PLD5: variants seen among roughly 807,000 people sequenced by gnomAD.
PLD5 encodes the protein phospholipase D family member 5, also known as inactive phospholipase D5.
In PLD5, 36 loss-of-function variants were observed where a neutral mutation model predicts 61.1. The observed-to-expected ratio is 0.59, with a 90% CI of 0.45 to 0.78. PLD5 has a LOEUF of 0.78. PLD5 is among the 30% of genes least tolerant of loss of function. The probability of loss-of-function intolerance (pLI) is 0.00; values close to 1 mark genes in which losing one functional copy is unlikely to be tolerated. For missense variants in PLD5, 515 were observed against 644.4 expected (o/e 0.80, Z 2.17); for synonymous variants, 243 against 242.8 (o/e 1.00, Z -0.01).
chr1:242,139,338 C>T (rs1205376966), intron 5 of PLD5, among the ~76,000 whole-genome samples: 1 of 151,956 alleles, frequency 6.6e-6, no homozygotes, highest in Non-Finnish European at 1.5e-5. Flanking sequence ...TATATTGTTC[C>T]AATTCAGAAA....
intron 1 of PLD5, among the ~76,000 whole-genome samples, chr1:242,442,537 G>T (rs1253945672): frequency 6.6e-6 from 1 of 152,208 alleles, no homozygotes; most frequent in Non-Finnish European, 1.5e-5. Flanking sequence ...AGGATCATGA[G>T]ACGCCACATG....
chr1:242,239,360 T>C (rs1354662634), intron 4 of PLD5, among the ~76,000 whole-genome samples: 2 of 152,182 alleles, frequency 1.3e-5, no homozygotes, highest in South Asian at 2.1e-4. Flanking sequence ...TTATGTTGTA[T>C]TGACTTGTAC....
At chr1:242,503,628 C>A (rs1443556807) in intron 1 of PLD5, among the ~76,000 whole-genome samples, 1 of 152,182 alleles carries the variant, frequency 6.6e-6, no homozygotes, top group Non-Finnish European at 1.5e-5. Flanking sequence ...AATGGGAAGT[C>A]TTCCGTTTCC....
chr1:242,242,723 T>C (rs1460620208), intron 4 of PLD5, among the ~76,000 whole-genome samples: 1 of 152,208 alleles, frequency 6.6e-6, no homozygotes, highest in African/African-American at 2.4e-5. Context: ...GTAAAGCACA[T>C]AGAATAACAC....
intron 2 of PLD5, among the ~76,000 whole-genome samples, chr1:242,293,339 A>G (rs1675478350): frequency 6.6e-6 from 1 of 152,200 alleles, no homozygotes; most frequent in African/African-American, 2.4e-5. Flanking sequence ...CAGTTTCTAC[A>G]GTTTCACTTT....
chr1:242,475,388 A>T (rs1667562105), intron 1 of PLD5, among the ~76,000 whole-genome samples: 1 of 136,778 alleles, frequency 7.3e-6, no homozygotes, highest in Non-Finnish European at 1.5e-5. Context: ...GCGCCACTGC[A>T]CTCCAGCCTG....
At chr1:242,157,921 C>G (rs1050204561) in intron 5 of PLD5, among the ~76,000 whole-genome samples, 2 of 152,210 alleles carry the variant, frequency 1.3e-5, no homozygotes, top group Non-Finnish European at 2.9e-5. Flanking sequence ...CCACAGCTGT[C>G]CCTTCCCCCA....
intron 1 of PLD5, among the ~76,000 whole-genome samples, chr1:242,369,633 G>T (rs1263282666): frequency 6.6e-6 from 1 of 152,148 alleles, no homozygotes; most frequent in Non-Finnish European, 1.5e-5. Context: ...GAGGTCAGAG[G>T]AGTTGTCATG....
At position 242,200,573 on chromosome 1, in the gene PLD5, T is replaced by C. The variant is rs144237994; in HGVS notation, c.735+19415A>G. ...CTGCTGTATATGTGGGATGTTACTA[T>C]ACATCTGTATCACTGATTCAGCCAA... is the stretch of plus-strand genomic sequence containing the variant. On this transcript the variant is annotated intron_variant, in intron 5 of 9. Transcript: ENST00000536534. Among the ~76,000 whole-genome samples the C allele has an allele frequency of 2.0e-5, 3 of 152,024 alleles. No homozygotes were observed. In the East Asian group the frequency reaches 5.8e-4, roughly 29 times the overall value.
At chr1:242,272,522 T>C (rs1674151621) in intron 3 of PLD5, among the ~76,000 whole-genome samples, 1 of 152,166 alleles carries the variant, frequency 6.6e-6, no homozygotes. Flanking sequence ...AAAGTTATAA[T>C]GAGATATTCT....
chr1:242,519,051 T>A (rs1221552116), intron 1 of PLD5, among the ~76,000 whole-genome samples: 2 of 152,238 alleles, frequency 1.3e-5, no homozygotes, highest in African/African-American at 2.4e-5. Flanking sequence ...CCGCAGGAAA[T>A]GATCCCAGTA....
intron 5 of PLD5, among the ~76,000 whole-genome samples, chr1:242,130,977 C>T (rs1663189584): frequency 6.6e-6 from 1 of 152,062 alleles, no homozygotes; most frequent in African/African-American, 2.4e-5. Context: ...AGTCCACTGT[C>T]AAGAAGCTGT....
At chr1:242,184,060 G>T (rs1387343177) in intron 5 of PLD5, among the ~76,000 whole-genome samples, 1 of 152,152 alleles carries the variant, frequency 6.6e-6, no homozygotes, top group Non-Finnish European at 1.5e-5. Context: ...GCACTAATGG[G>T]ATGTGTGGAC....
intron 2 of PLD5, among the ~76,000 whole-genome samples, chr1:242,289,802 C>T (rs4123234): frequency 0.65 from 98,782 of 152,024 alleles, 35,098 homozygotes; most frequent in Non-Finnish European, 0.81. Context: ...CAGCTTTCAA[C>T]AAAGAATTCA....
chr1:242,180,905 C>T (rs1355239742), intron 5 of PLD5, among the ~76,000 whole-genome samples: 2 of 152,054 alleles, frequency 1.3e-5, no homozygotes, highest in Admixed American at 6.6e-5. Flanking sequence ...GTCACCTGAG[C>T]CCAGGAGGTC....
intron 3 of PLD5, among the ~76,000 whole-genome samples, chr1:242,285,071 C>T (rs1175666147): frequency 6.6e-6 from 1 of 152,190 alleles, no homozygotes; most frequent in African/African-American, 2.4e-5. Flanking sequence ...AGGTCTCTTC[C>T]TAAAAGCTTG....
At position 242,427,286 on chromosome 1, in the gene PLD5, C is replaced by G. The variant is rs146836195; in HGVS notation, c.190-79044G>C. Reference sequence around the variant, plus strand: ...ACTGTAGAAAGTTTCTAGAGTAACTCCAGAAGATATCAACAGTAATATTTT... The same window carrying G: ...ACTGTAGAAAGTTTCTAGAGTAACTGCAGAAGATATCAACAGTAATATTTT... On this transcript the variant is annotated intron_variant, in intron 1 of 9. Transcript: ENST00000536534. 2.0e-4 allele frequency among the ~76,000 whole-genome samples: 31 copies of G among 152,160 alleles called. 1 individual carries two copies. Among genetic ancestry groups the G allele is most frequent in the African/African-American group, 7.2e-4 (30 of 41,518 alleles).
chr1:242,156,385 C>T (rs1483902498), intron 5 of PLD5, among the ~76,000 whole-genome samples: 1 of 152,136 alleles, frequency 6.6e-6, no homozygotes, highest in Non-Finnish European at 1.5e-5. Context: ...TGAATTTGAT[C>T]CTGTCATTAT....
At chr1:242,509,419 C>T (rs1468276192) in intron 1 of PLD5, among the ~76,000 whole-genome samples, 1 of 152,142 alleles carries the variant, frequency 6.6e-6, no homozygotes, top group Non-Finnish European at 1.5e-5. Flanking sequence ...TGCCTGCCTC[C>T]TTTGAACTCC....
Sources: gnomAD v4.1 joint callset for allele counts (sites outside exome capture counted in the v4.1 genomes callset) on GRCh38, gnomAD v4.1.1 for gene constraint, MANE v1.5 for transcripts, NCBI Gene and HGNC (gene_info 2026-07-23, HGNC 2026-07-21) for gene names.